ZNF804B: variants seen among roughly 807,000 people sequenced by gnomAD.
ZNF804B encodes zinc finger protein 804B, also known as zinc finger 804B.
A neutral mutation model predicts 101.4 loss-of-function variants in ZNF804B; 80 were observed. The ratio of observed to expected loss-of-function variants is 0.79; its 90% CI spans 0.66 to 0.95. ZNF804B has a LOEUF of 0.95. Ranked by LOEUF, ZNF804B falls within the 40% of genes least tolerant of loss-of-function variation. ZNF804B has a pLI of 0.00. For synonymous variants in ZNF804B, 622 were observed against 558.8 expected (o/e 1.11, Z -1.59); for missense variants, 1,673 against 1,561.9 (o/e 1.07, Z -1.20).
chr7:88,927,852 A>G (rs966124797), intron 1 of ZNF804B, among the ~76,000 whole-genome samples: 4 of 151,998 alleles, frequency 2.6e-5, no homozygotes, highest in Non-Finnish European at 5.9e-5. Context: ...ATTAACATGC[A>G]CTTATGGGTT....
intron 1 of ZNF804B, among the ~76,000 whole-genome samples, chr7:89,114,551 C>T (rs1378775954): frequency 6.6e-6 from 1 of 152,184 alleles, no homozygotes; most frequent in Non-Finnish European, 1.5e-5. Flanking sequence ...TGAATGATAT[C>T]TGGTGCCACT....
intron 1 of ZNF804B, among the ~76,000 whole-genome samples, chr7:89,162,314 T>G (rs1328229213): frequency 6.6e-6 from 1 of 152,190 alleles, no homozygotes; most frequent in Non-Finnish European, 1.5e-5. Context: ...ACTTTAAATA[T>G]TGGGATTGAA....
At chr7:89,291,644 C>T (rs561178731) in intron 2 of ZNF804B, among the ~76,000 whole-genome samples, 1 of 152,084 alleles carries the variant, frequency 6.6e-6, no homozygotes, top group South Asian at 2.1e-4. Flanking sequence ...AAAATAGCCT[C>T]AGAGGGGCAA....
At chr7:89,032,469 GAGAT>G (rs1033300125) in intron 1 of ZNF804B, among the ~76,000 whole-genome samples, 13 of 152,218 alleles carry the variant, frequency 8.5e-5, no homozygotes, top group South Asian at 2.1e-4. Context: ...AATTTTATAT[GAGAT>G]AGATAGTACA....
At chr7:88,967,679 G>A (rs1187685312) in intron 1 of ZNF804B, among the ~76,000 whole-genome samples, 1 of 147,294 alleles carries the variant, frequency 6.8e-6, no homozygotes, top group Non-Finnish European at 1.5e-5. Context: ...TATCTTTCAG[G>A]GTAGGAAGTC....
At chr7:88,999,949 T>C (rs749130561) in intron 1 of ZNF804B, among the ~76,000 whole-genome samples, 2 of 152,012 alleles carry the variant, frequency 1.3e-5, no homozygotes, top group African/African-American at 2.4e-5. Context: ...ATGTGATTTT[T>C]ACTCAATGCA....
At chr7:88,894,701 A>G (rs1328344396) in intron 1 of ZNF804B, among the ~76,000 whole-genome samples, 2 of 152,190 alleles carry the variant, frequency 1.3e-5, no homozygotes, top group East Asian at 1.9e-4. Flanking sequence ...GTGAAGCCTC[A>G]AAAAGACATG....
At chr7:89,218,054 C>A (rs1326768603) in intron 1 of ZNF804B, 101 bp from the exon 2 acceptor site, 6 of 1,184,714 alleles carry the variant, frequency 5.1e-6, no homozygotes, top group Non-Finnish European at 7.1e-6. Context: ...ACAATGTGCT[C>A]CGTCATATTT....
intron 1 of ZNF804B, among the ~76,000 whole-genome samples, chr7:88,865,817 G>A (rs755899546): frequency 9.9e-5 from 15 of 152,168 alleles, no homozygotes; most frequent in Non-Finnish European, 1.5e-4. Flanking sequence ...TTTGTAACTC[G>A]GACCAAATGT....
chr7:88,981,445 G>A (rs1302114915), intron 1 of ZNF804B, among the ~76,000 whole-genome samples: 1 of 152,026 alleles, frequency 6.6e-6, no homozygotes, highest in Non-Finnish European at 1.5e-5. Context: ...TCCGAGCTGT[G>A]AGCTACACTG....
chr7:89,153,971 C>T lies in ZNF804B; in HGVS notation c.109-64184C>T, dbSNP rs141763471. 2.6e-4 allele frequency among the ~76,000 whole-genome samples: 39 copies of T among 152,134 alleles called. 1 individual carries two copies. In the East Asian group the frequency reaches 6.2e-3, roughly 24 times the overall value. The stretch of plus-strand genomic sequence containing the variant: ...TGCTTCTTTGCTTATATGCTGTAGC[C>T]TTCCCCATCACCTTTTAAAAATTAT... On this transcript the variant is annotated intron_variant, in intron 1 of 3. Transcript: ENST00000333190.
chr7:89,299,137 T>G (rs1790437822), intron 2 of ZNF804B, among the ~76,000 whole-genome samples: 1 of 152,038 alleles, frequency 6.6e-6, no homozygotes, highest in Non-Finnish European at 1.5e-5. Flanking sequence ...ATATATAGAT[T>G]GCTAGCATTT....
At chr7:89,228,319 A>ACTG (rs980311138) in intron 2 of ZNF804B, among the ~76,000 whole-genome samples, 4 of 152,076 alleles carry the variant, frequency 2.6e-5, no homozygotes, top group African/African-American at 9.7e-5. Flanking sequence ...GCAGGTTGCC[A>ACTG]CTGCTGGCTC....
At chr7:88,822,844 A>T (rs1649425937) in intron 1 of ZNF804B, among the ~76,000 whole-genome samples, 1 of 152,212 alleles carries the variant, frequency 6.6e-6, no homozygotes, top group African/African-American at 2.4e-5. Flanking sequence ...TGAAGCATTT[A>T]CTTGGTACAA....
intron 1 of ZNF804B, among the ~76,000 whole-genome samples, chr7:88,961,868 A>T (rs1397882117): frequency 6.6e-6 from 1 of 151,386 alleles, no homozygotes; most frequent in Non-Finnish European, 1.5e-5. Flanking sequence ...CATTTCATCA[A>T]TCTGGTCTGA....
At position 89,096,012 on chromosome 7, in the gene ZNF804B, G is replaced by A. The variant is rs1022661450; in HGVS notation, c.109-122143G>A. 9.9e-5 allele frequency among the ~76,000 whole-genome samples: 15 copies of A among 151,950 alleles called. 1 individual carries two copies. The highest frequency in any genetic ancestry group is 5.9e-4 in the Admixed American group (9 of 15,262). On this transcript the variant is annotated intron_variant, in intron 1 of 3. Transcript: ENST00000333190. ...TAAAAATATAAAAAAAAAATTAGCC[G>A]GGCATGGTGGCGGGTGCCTGTAGTC...
At chr7:88,824,016 T>C (rs774355896) in intron 1 of ZNF804B, among the ~76,000 whole-genome samples, 1 of 152,136 alleles carries the variant, frequency 6.6e-6, no homozygotes, top group Non-Finnish European at 1.5e-5. Context: ...GGCCTGCTAC[T>C]CTATCCCTGA....
In ZNF804B at chr7:89,209,717, A is replaced by G. The variant is rs1406416014; in HGVS notation, c.109-8438A>G. Among the ~76,000 whole-genome samples the G allele has an allele frequency of 2.6e-5, 4 of 152,192 alleles. No individual in the cohort carries two copies. The East Asian group carries it at 7.7e-4, about 29-fold the overall frequency. On this transcript the variant is annotated intron_variant, in intron 1 of 3. Coordinates refer to ENST00000333190, the MANE Select transcript of ZNF804B (RefSeq NM_181646.5). ...GTTGCCAGGGTAGGCCATACTGTCT[A>G]TGTGTGTAAGAGAAAAGCATTCTCT... is the stretch of plus-strand genomic sequence containing the variant.
intron 2 of ZNF804B, among the ~76,000 whole-genome samples, chr7:89,302,089 C>CTTATAATATAT (rs1240592878): frequency 6.9e-4 from 105 of 151,556 alleles, no homozygotes; most frequent in Middle Eastern, 3.4e-3. Flanking sequence ...TATACATAAG[C>CTTATAATATAT]ACAAACAATG....
Sources: gnomAD v4.1 joint callset for allele counts (sites outside exome capture counted in the v4.1 genomes callset) on GRCh38, gnomAD v4.1.1 for gene constraint, MANE v1.5 for transcripts, NCBI Gene and HGNC (gene_info 2026-07-23, HGNC 2026-07-21) for gene names.